MED26: variants seen among roughly 807,000 people sequenced by gnomAD.
The protein encoded by MED26 is mediator of RNA polymerase II transcription subunit 26.
Under a neutral mutation model 43.7 loss-of-function variants are expected in MED26, and 7 were observed. The observed-to-expected ratio is 0.16, with a 90% confidence interval of 0.09 to 0.30. The LOEUF is 0.30. Ranked by LOEUF, MED26 falls within the 10% of genes least tolerant of loss-of-function variation. The pLI, the probability that MED26 is intolerant of heterozygous loss-of-function variation, is 1.00. For synonymous variants in MED26, 375 were observed against 371.1 expected (o/e 1.01, Z -0.12); for missense variants, 784 against 840.6 (o/e 0.93, Z 0.83).
chr19:16,597,092 C>T (rs546489177), intron 1 of MED26, among the ~76,000 whole-genome samples: 24 of 152,228 alleles, frequency 1.6e-4, no homozygotes, highest in Non-Finnish European at 1.8e-4. Flanking sequence ...CCGAGCATGT[C>T]TACCAGACAG....
At chr19:16,609,667 T>G (rs1460268890) in intron 1 of MED26, among the ~76,000 whole-genome samples, 1 of 151,898 alleles carries the variant, frequency 6.6e-6, no homozygotes, top group Non-Finnish European at 1.5e-5. Context: ...TATTTTGAAG[T>G]GCTTGAAATA....
chr19:16,604,915 G>A (rs142803176), intron 1 of MED26, among the ~76,000 whole-genome samples: 30 of 152,220 alleles, frequency 2.0e-4, no homozygotes, highest in Non-Finnish European at 3.4e-4. Context: ...CTGTTCATAT[G>A]GGTGCTGTTA....
At position 16,578,415 on chromosome 19, in the gene MED26, G is replaced by C; in HGVS notation, c.73-6C>G. 1 of 1,613,844 alleles carries C rather than the reference G, an allele frequency of 6.2e-7. No homozygotes were observed. The highest frequency in any genetic ancestry group is 1.1e-5 in the South Asian group (1 of 91,024). Reference sequence around the variant, plus strand: ...ACCGCCACCATGTTCCGGATCTGTGGAAATAAAAAGCCATTTGTCAGGTCC... The same window carrying C: ...ACCGCCACCATGTTCCGGATCTGTGCAAATAAAAAGCCATTTGTCAGGTCC... On this transcript the variant is annotated splice_region_variant and splice_polypyrimidine_tract_variant and intron_variant, in intron 1 of 2. Coordinates refer to ENST00000263390, the MANE Select transcript of MED26 (RefSeq NM_004831.5).
At position 16,584,121 on chromosome 19, in the gene MED26, T is replaced by G. The variant is rs1472145762; in HGVS notation, c.73-5712A>C. Among the ~76,000 whole-genome samples, 3 of 151,788 alleles carry G rather than the reference T, an allele frequency of 2.0e-5. No individual in the cohort carries two copies. In the East Asian group the frequency reaches 5.8e-4, roughly 29 times the overall value. On this transcript the variant is annotated intron_variant, in intron 1 of 2. Transcript: ENST00000263390. The stretch of plus-strand genomic sequence containing the variant: ...AAAAAGGCTTCCACGGGCGCGGTGG[T>G]GTGCACCTGTAATCCCAGCTACTCG...
At chr19:16,607,375 G>GAA (rs898413432) in intron 1 of MED26, among the ~76,000 whole-genome samples, 18 of 111,470 alleles carry the variant, frequency 1.6e-4, no homozygotes, top group Non-Finnish European at 2.3e-4. Context: ...CTTTTGTGGG[G>GAA]AAAAAAAAAA....
rs568132677 is a variant in MED26 at position 16,575,095 on chromosome 19, G to A, written c.*932C>T. 2 of 152,664 alleles carry A rather than the reference G, an allele frequency of 1.3e-5. No individual in the cohort carries two copies. Among genetic ancestry groups the A allele is most frequent in the African/African-American group, 2.4e-5 (1 of 41,530 alleles). 9.5% of individuals were successfully genotyped at this position (152,664 alleles called of 1,614,324 possible). The stretch of plus-strand genomic sequence containing the variant: ...TATGACAAATAACCATAAGGCAAAC[G>A]AATCTAAAGGAATGGTTATGAGTGT... On this transcript the variant is annotated 3_prime_UTR_variant, in exon 3 of 3. Coordinates refer to ENST00000263390, the MANE Select transcript of MED26 (RefSeq NM_004831.5).
chr19:16,592,578 G>C (rs1451387656), intron 1 of MED26, among the ~76,000 whole-genome samples: 1 of 152,222 alleles, frequency 6.6e-6, no homozygotes, highest in Non-Finnish European at 1.5e-5. Context: ...TTCAGCAGCA[G>C]CAGGTCTCAC....
At chr19:16,614,846 C>A (rs2086216339) in intron 1 of MED26, among the ~76,000 whole-genome samples, 1 of 152,214 alleles carries the variant, frequency 6.6e-6, no homozygotes, top group East Asian at 1.9e-4. Flanking sequence ...CTGGCCAAAT[C>A]CAGCCGCAGC....
chr19:16,603,232 C>A (rs989962630), intron 1 of MED26, among the ~76,000 whole-genome samples: 4 of 152,142 alleles, frequency 2.6e-5, no homozygotes, highest in Admixed American at 2.0e-4. Flanking sequence ...GAACTGAGAC[C>A]AGGAAAACCT....
chr19:16,579,185 G>T (rs1012690088), intron 1 of MED26, among the ~76,000 whole-genome samples: 2 of 152,172 alleles, frequency 1.3e-5, no homozygotes, highest in Admixed American at 1.3e-4. Context: ...CACAAAGTGG[G>T]AGAAGGCATA....
rs2085998644 is a variant in MED26 at position 16,576,247 on chromosome 19, A to G, written c.1583T>C (p.Leu528Pro). The G allele has an allele frequency of 6.2e-7, 1 of 1,611,272 alleles. No homozygotes were observed. Among genetic ancestry groups the G allele is most frequent in the East Asian group, 2.2e-5 (1 of 44,864 alleles). The change falls in exon 3 of 3, where the codon CTG becomes CCG. Residue 528 changes from leucine to proline, a missense_variant. Leu to Pro is a moderately conservative substitution (Grantham distance 98). Transcript: ENST00000263390. The surrounding 1 kb of genome is among the most constrained non-coding windows in gnomAD (Gnocchi z 6.8). Reference protein sequence around the residue: ...EESTRQGARQLHVLVPQSPPT... With the variant: ...EESTRQGARQPHVLVPQSPPT... ...CGGGCTTTGAGGCACCAGCACATGC[A>G]GCTGCCTGGCCCCTTGCCGGGTGCT...
chr19:16,614,253 C>T (rs888079397), intron 1 of MED26, among the ~76,000 whole-genome samples: 1 of 152,146 alleles, frequency 6.6e-6, no homozygotes, highest in Non-Finnish European at 1.5e-5. Flanking sequence ...TCTGGCCCGG[C>T]GCACGGTCTC....
Position 16,575,956 on chromosome 19 carries a change from ACCTGCCCACCTG to A in MED26, c.*59_*70del. On this transcript the variant is annotated 3_prime_UTR_variant, in exon 3 of 3. Coordinates refer to ENST00000263390, the MANE Select transcript of MED26 (RefSeq NM_004831.5). ...CGCAGGAGGCAGCTGGGCCCCGGCCACCTGCCCACCTGCCTGCCCGCCCACCCGGCTTCTGCA... is the reference window on the plus strand; with the variant it reads ...CGCAGGAGGCAGCTGGGCCCCGGCCACCTGCCCGCCCACCCGGCTTCTGCA... 7.7e-7 allele frequency: 1 copy of A among 1,302,722 alleles called. No individual in the cohort carries two copies. Among genetic ancestry groups the A allele is most frequent in the Non-Finnish European group, 1.0e-6 (1 of 969,426 alleles). 80.7% of individuals were successfully genotyped at this position (1,302,722 alleles called of 1,614,324 possible).
Position 16,577,348 on chromosome 19 carries a change from G to C in MED26, c.482C>G (p.Pro161Arg). 1 of 1,611,662 alleles carries C rather than the reference G, an allele frequency of 6.2e-7. No individual in the cohort carries two copies. The highest frequency in any genetic ancestry group is 1.3e-5 in the African/African-American group (1 of 75,004). The stretch of plus-strand genomic sequence containing the variant: ...GCTAGCTTTGGAGACCTTGGGTGGC[G>C]GCCCTGGGTGGCCGAGGTCACGCTG... ...GDQRDLGHPG[P>R]PPKVSKASHD... The change falls in exon 3 of 3, where the codon CCG becomes CGG. Residue 161 changes from proline to arginine, a missense_variant. Around this residue, in one of 3 missense-constraint regions of MED26, gnomAD observed 719 missense variants for 730.9 expected, o/e 0.98. Transcript: ENST00000263390. This position sits in a 1 kb window ranked among gnomAD's most constrained non-coding sequence, Gnocchi z 8.1.
chr19:16,614,870 A>G (rs528277506), intron 1 of MED26, among the ~76,000 whole-genome samples: 14 of 152,308 alleles, frequency 9.2e-5, no homozygotes, highest in African/African-American at 3.4e-4. Context: ...CTCAACCCCA[A>G]TACTAATCAG....
In MED26 at chr19:16,575,905, C is replaced by G; in HGVS notation, c.*122G>C. 1 of 838,942 alleles carries G rather than the reference C, an allele frequency of 1.2e-6. No homozygotes were observed. Among genetic ancestry groups the G allele is most frequent in the Admixed American group, 2.8e-5 (1 of 36,078 alleles). 52.0% of individuals were successfully genotyped at this position (838,942 alleles called of 1,614,324 possible). On this transcript the variant is annotated 3_prime_UTR_variant, in exon 3 of 3. Transcript: ENST00000263390. ...GTGACTCCCGCCCCCTCCCTCCCGC[C>G]TGGGCCGGACTCCCCGAGTTCCCAG...
Position 16,576,066 on chromosome 19 carries a change from G to A in MED26, c.1764C>T (p.Asp588=), listed in dbSNP as rs751124524. 2.0e-5 allele frequency: 32 copies of A among 1,613,608 alleles called. No homozygotes were observed. The highest frequency in any genetic ancestry group is 8.8e-5 in the South Asian group (8 of 91,094). The part of the protein sequence containing the change: ...QCISLDPHGD[D]GRLNILPYVC... The stretch of plus-strand genomic sequence containing the variant: ...CATAAGGCAGAATGTTCAAGCGCCC[G>A]TCGTCGCCGTGCGGATCGAGCGATA... The change falls in exon 3 of 3, where the codon GAC becomes GAT. Residue 588 remains aspartate, a synonymous_variant. Transcript: ENST00000263390. This position sits in a 1 kb window ranked among gnomAD's most constrained non-coding sequence, Gnocchi z 6.8.
chr19:16,625,466 C>T (rs999125804), intron 1 of MED26, among the ~76,000 whole-genome samples: 20 of 151,960 alleles, frequency 1.3e-4, no homozygotes, highest in Non-Finnish European at 8.8e-5. Flanking sequence ...TAAAGGTAAG[C>T]ATTACATGAC....
intron 1 of MED26, among the ~76,000 whole-genome samples, chr19:16,609,336 A>AAG (rs2086189094): frequency 4.9e-5 from 7 of 142,376 alleles, no homozygotes; most frequent in South Asian, 2.3e-4. Flanking sequence ...AAAAAAAAAA[A>AAG]AGAGAGAGAA....
Sources: allele counts gnomAD v4.1 joint callset (sites outside exome capture counted in the v4.1 genomes callset), GRCh38; gene constraint gnomAD v4.1.1; regional missense constraint gnomAD v4.1.1; non-coding constraint Gnocchi (gnomAD v3.1); transcripts MANE v1.5; gene names NCBI Gene and HGNC (gene_info 2026-07-23, HGNC 2026-07-21).